The following EZH2 variants were observed in gnomAD, a reference collection of about 807,000 sequenced individuals.
EZH2 encodes the protein histone-lysine N-methyltransferase EZH2.
A neutral mutation model predicts 98.4 loss-of-function variants in EZH2; 18 were observed. The observed-to-expected ratio is 0.18, with a 90% CI of 0.13 to 0.27. EZH2 has a LOEUF of 0.27. Among genes scored for constraint, EZH2 ranks in the 10% least tolerant of loss-of-function variants. The pLI is 1.00. For synonymous variants in EZH2, 338 were observed against 312.3 expected (o/e 1.08, Z -0.87); for missense variants, 470 against 935.1 (o/e 0.50, Z 6.49).
intron 14 of EZH2, 81 bp from the exon 15 acceptor site, chr7:148,814,218 G>C (rs1388044076): frequency 3.1e-6 from 4 of 1,308,768 alleles, no homozygotes; most frequent in Non-Finnish European, 4.3e-6. Flanking sequence ...GGGCTGTACT[G>C]GGCATCTCAC....
chr7:148,866,518 G>A lies in EZH2; in HGVS notation c.-8+17646C>T, dbSNP rs142648914. On this transcript the variant is annotated intron_variant, in intron 1 of 19. Coordinates refer to ENST00000320356, the MANE Select transcript of EZH2 (RefSeq NM_004456.5). ...TATATATACGTATATACATATATATGTGTATATACATATATATACGTATAT... is the reference window on the plus strand; with the variant it reads ...TATATATACGTATATACATATATATATGTATATACATATATATACGTATAT... Among the ~76,000 whole-genome samples, 459 of 67,466 alleles carry A rather than the reference G, an allele frequency of 6.8e-3. 5 individuals carry two copies. Among genetic ancestry groups the A allele is most frequent in the East Asian group, 0.018 (47 of 2,644 alleles). The allele number at this position is 67,466 out of a possible 152,430, so 44.3% of individuals were successfully genotyped here.
chr7:148,843,806 A>T (rs984192678), intron 3 of EZH2, among the ~76,000 whole-genome samples: 11 of 151,856 alleles, frequency 7.2e-5, no homozygotes, highest in African/African-American at 2.4e-4. Flanking sequence ...CTTGTTAGCC[A>T]GGATGGTCTC....
At chr7:148,865,191 T>C (rs1163603232) in intron 1 of EZH2, among the ~76,000 whole-genome samples, 3 of 150,506 alleles carry the variant, frequency 2.0e-5, no homozygotes, top group African/African-American at 7.3e-5. Flanking sequence ...AATTCAAAGA[T>C]GAGACATGAG....
intron 4 of EZH2, among the ~76,000 whole-genome samples, chr7:148,831,804 TTAAG>T (rs1486133937): frequency 2.0e-5 from 3 of 152,218 alleles, no homozygotes; most frequent in Non-Finnish European, 4.4e-5. Flanking sequence ...TATATATCAA[TTAAG>T]TAATACAACT....
At chr7:148,839,568 A>T (rs1458284065) in intron 3 of EZH2, among the ~76,000 whole-genome samples, 4 of 149,842 alleles carry the variant, frequency 2.7e-5, no homozygotes, top group South Asian at 2.1e-4. Context: ...AAAAAAAACT[A>T]TTTTTTTTTG....
At position 148,828,734 on chromosome 7, in the gene EZH2, G is replaced by C. The variant is rs1237941356; in HGVS notation, c.625+6C>G. On this transcript the variant is annotated splice_donor_region_variant and intron_variant, in intron 6 of 19. Coordinates refer to ENST00000320356, the MANE Select transcript of EZH2 (RefSeq NM_004456.5). Reference sequence around the variant, plus strand: ...GGCTACACAGAATCCTAATAATCAGGCATACCATCTCGGTGATCCTCCAGA... The same window carrying C: ...GGCTACACAGAATCCTAATAATCAGCCATACCATCTCGGTGATCCTCCAGA... The C allele has an allele frequency of 5.6e-6, 9 of 1,611,826 alleles. No homozygotes were observed. The South Asian group carries it at 9.9e-5, about 18-fold the overall frequency.
At chr7:148,882,516 C>A (rs1821153193) in intron 1 of EZH2, among the ~76,000 whole-genome samples, 1 of 152,162 alleles carries the variant, frequency 6.6e-6, no homozygotes. Context: ...TAAAATATAT[C>A]TTAAATACTT....
chr7:148,867,161 T>C (rs1345076612), intron 1 of EZH2, among the ~76,000 whole-genome samples: 1 of 151,762 alleles, frequency 6.6e-6, no homozygotes, highest in East Asian at 2.0e-4. Context: ...ACCCTGTCTC[T>C]ACTAAAAATA....
chr7:148,838,506 TC>T (rs1562995463), intron 3 of EZH2, among the ~76,000 whole-genome samples: 2 of 152,128 alleles, frequency 1.3e-5, no homozygotes, highest in Non-Finnish European at 1.5e-5. Flanking sequence ...TAGTAAGCAC[TC>T]AAAAAAGTAC....
At chr7:148,816,936 G>A (rs557186563) in intron 11 of EZH2, 158 bp from the exon 12 acceptor site, 6 of 616,440 alleles carry the variant, frequency 9.7e-6, no homozygotes, top group African/African-American at 7.3e-5. Context: ...CACATTAGGG[G>A]TAGCTGTAAT....
intron 12 of EZH2, among the ~76,000 whole-genome samples, chr7:148,816,390 T>C (rs1804562055): frequency 6.6e-6 from 1 of 152,234 alleles, no homozygotes; most frequent in African/African-American, 2.4e-5. Flanking sequence ...AGTAATTGTT[T>C]ACGTAACCTT....
intron 1 of EZH2, among the ~76,000 whole-genome samples, chr7:148,852,692 C>T (rs960136174): frequency 6.6e-6 from 1 of 152,172 alleles, no homozygotes; most frequent in African/African-American, 2.4e-5. Context: ...CTACAAAAAA[C>T]AAAAGTCAAA....
intron 1 of EZH2, among the ~76,000 whole-genome samples, chr7:148,877,916 T>C (rs867749587): frequency 1.5e-4 from 23 of 152,288 alleles, no homozygotes; most frequent in African/African-American, 5.5e-4. Context: ...GAGTAGATAA[T>C]ATGTAGTGAA....
chr7:148,820,981 AC>A (rs1255613728), intron 8 of EZH2: 1 of 152,192 alleles, frequency 6.6e-6, no homozygotes, highest in East Asian at 1.9e-4. Context: ...TTTAAACTGT[AC>A]TGAAACTACA....
At chr7:148,864,781 C>T (rs574016771) in intron 1 of EZH2, among the ~76,000 whole-genome samples, 73 of 151,656 alleles carry the variant, frequency 4.8e-4, no homozygotes, top group African/African-American at 6.0e-4. Context: ...CTCATTTCAT[C>T]GAGTATATAC....
intron 14 of EZH2, 102 bp from the exon 15 acceptor site, chr7:148,814,239 C>T: frequency 2.0e-6 from 2 of 988,870 alleles, no homozygotes; most frequent in Non-Finnish European, 3.0e-6. Flanking sequence ...TGACTCTCAA[C>T]CCTCACAACC....
At chr7:148,847,333 C>G in intron 1 of EZH2, 28 bp from the exon 2 acceptor site, 5 of 1,611,438 alleles carry the variant, frequency 3.1e-6, no homozygotes, top group Non-Finnish European at 4.2e-6. Context: ...ATATTAAAAT[C>G]ACTAATCTAA....
intron 5 of EZH2, 61 bp downstream of exon 5, chr7:148,829,667 A>T: frequency 6.3e-7 from 1 of 1,575,654 alleles, no homozygotes; most frequent in Non-Finnish European, 8.6e-7. Context: ...TATGCTTCAT[A>T]AACAAAAGTG....
chr7:148,833,681 A>C (rs1025476930), intron 3 of EZH2, among the ~76,000 whole-genome samples: 1 of 152,228 alleles, frequency 6.6e-6, no homozygotes, highest in Non-Finnish European at 1.5e-5. Context: ...CTGATTACTA[A>C]GTACTTTCTA....
Sources: gnomAD v4.1 joint callset for allele counts (sites outside exome capture counted in the v4.1 genomes callset) on GRCh38, gnomAD v4.1.1 for gene constraint, MANE v1.5 for transcripts, NCBI Gene and HGNC (gene_info 2026-07-23, HGNC 2026-07-21) for gene names.